KCND3: variants seen among roughly 807,000 people sequenced by gnomAD.
KCND3 encodes the protein A-type voltage-gated potassium channel KCND3.
In KCND3, 9 loss-of-function variants were observed where a neutral mutation model predicts 51.1. That is an observed-to-expected ratio of 0.18 (90% CI 0.11 to 0.31). The LOEUF is 0.31. Among genes scored for constraint, KCND3 ranks in the 10% least tolerant of loss-of-function variants. The pLI, the probability that KCND3 is intolerant of heterozygous loss-of-function variation, is 1.00. For synonymous variants in KCND3, 349 were observed against 368.0 expected (o/e 0.95, Z 0.59); for missense variants, 526 against 903.8 (o/e 0.58, Z 5.36).
At chr1:111,819,883 C>T (rs1354654447) in intron 2 of KCND3, among the ~76,000 whole-genome samples, 1 of 152,204 alleles carries the variant, frequency 6.6e-6, no homozygotes, top group African/African-American at 2.4e-5. Context: ...TTTCCACCAC[C>T]CACCTTCCGT....
intron 2 of KCND3, among the ~76,000 whole-genome samples, chr1:111,872,579 C>T (rs11102350): frequency 0.49 from 74,300 of 150,764 alleles, 18,709 homozygotes; most frequent in Middle Eastern, 0.56. Flanking sequence ...GATACTACTG[C>T]GTCTTTTTTG....
intron 1 of KCND3, among the ~76,000 whole-genome samples, chr1:111,986,121 A>C (rs1406200232): frequency 6.6e-6 from 1 of 152,238 alleles, no homozygotes; most frequent in Non-Finnish European, 1.5e-5. Context: ...ATTTATTTCT[A>C]AGGGGCAAGG....
Position 111,982,007 on chromosome 1 carries a change from C to T in KCND3, c.720G>A (p.Glu240=), listed in dbSNP as rs762838817. 1 of 1,613,880 alleles carries T rather than the reference C, an allele frequency of 6.2e-7. No homozygotes were observed. The highest frequency in any genetic ancestry group is 1.7e-5 in the Admixed American group (1 of 60,016). The change falls in exon 2 of 8, where the codon GAG becomes GAA. Residue 240 remains glutamate, a synonymous_variant. Transcript: ENST00000302127. The surrounding 1 kb of genome is among the most constrained non-coding windows in gnomAD (Gnocchi z 8.5). Reference sequence around the variant, plus strand: ...GAGCCGCGAAGAGCCGCAGGAGGTACTCCACGGTGAAGATCATGACGCACG... The same window carrying T: ...GAGCCGCGAAGAGCCGCAGGAGGTATTCCACGGTGAAGATCATGACGCACG... ...DTACVMIFTV[E]YLLRLFAAPS...
chr1:111,815,827 T>C (rs902024375), intron 2 of KCND3, among the ~76,000 whole-genome samples: 1 of 152,064 alleles, frequency 6.6e-6, no homozygotes, highest in Non-Finnish European at 1.5e-5. Context: ...CACTGCTCCT[T>C]AGAGAGGCTA....
intron 2 of KCND3, among the ~76,000 whole-genome samples, chr1:111,810,889 G>A (rs1038770549): frequency 3.3e-5 from 5 of 152,208 alleles, no homozygotes; most frequent in African/African-American, 9.7e-5. Flanking sequence ...TCTTTGCTGT[G>A]AGGGGCTGTG....
chr1:111,831,599 G>A (rs1362288037), intron 2 of KCND3, among the ~76,000 whole-genome samples: 4 of 152,014 alleles, frequency 2.6e-5, no homozygotes, highest in East Asian at 3.9e-4. Context: ...GTTCTAATAC[G>A]TCCTACCTTC....
Position 111,775,852 on chromosome 1 carries a change from A to C in KCND3, c.*225T>G, listed in dbSNP as rs72548736. The stretch of plus-strand genomic sequence containing the variant: ...ACCCTCCCTCCCTTCCTCTGGCCCC[A>C]GTGAGATGCAGTATCACAGGGCTAT... On this transcript the variant is annotated 3_prime_UTR_variant, in exon 8 of 8. Transcript: ENST00000302127. 22 of 107,932 alleles carry C rather than the reference A, an allele frequency of 2.0e-4. No homozygotes were observed. The highest frequency in any genetic ancestry group is 5.9e-4 in the South Asian group (6 of 10,106). 6.7% of individuals were successfully genotyped at this position (107,932 alleles called of 1,614,324 possible).
intron 2 of KCND3, among the ~76,000 whole-genome samples, chr1:111,857,279 C>T (rs1015903744): frequency 3.9e-5 from 6 of 152,188 alleles, no homozygotes; most frequent in African/African-American, 1.4e-4. Flanking sequence ...GAAGGTGCAG[C>T]CCTGGGCGTG....
In KCND3 at chr1:111,849,851, C is replaced by T. The variant is rs1667727438; in HGVS notation, c.1107-62745G>A. ...CTGTGGCTTGGCTCCTTCTCTGATCCCTTTATGCATTCTTTCTGGGATGTG... is the reference window on the plus strand; with the variant it reads ...CTGTGGCTTGGCTCCTTCTCTGATCTCTTTATGCATTCTTTCTGGGATGTG... On this transcript the variant is annotated intron_variant, in intron 2 of 7. Transcript: ENST00000302127. 2.6e-5 allele frequency among the ~76,000 whole-genome samples: 4 copies of T among 152,270 alleles called. No homozygotes were observed. In the South Asian group the frequency reaches 8.3e-4, roughly 32 times the overall value.
At chr1:111,798,597 C>T (rs1260827296) in intron 2 of KCND3, among the ~76,000 whole-genome samples, 1 of 151,760 alleles carries the variant, frequency 6.6e-6, no homozygotes, top group African/African-American at 2.4e-5. Flanking sequence ...AAGCAATCCC[C>T]CTGGTGTGTG....
chr1:111,928,791 C>T (rs913216464), intron 2 of KCND3, among the ~76,000 whole-genome samples: 5 of 152,178 alleles, frequency 3.3e-5, no homozygotes, highest in Admixed American at 6.5e-5. Flanking sequence ...CTACACAGCC[C>T]TTCCTGGGAG....
chr1:111,886,393 G>C (rs555886298), intron 2 of KCND3, among the ~76,000 whole-genome samples: 66 of 152,334 alleles, frequency 4.3e-4, no homozygotes, highest in African/African-American at 1.6e-3. Flanking sequence ...GATGGCAAAG[G>C]CCTGGAAACC....
At chr1:111,949,316 A>G (rs541578470) in intron 2 of KCND3, among the ~76,000 whole-genome samples, 22 of 152,308 alleles carry the variant, frequency 1.4e-4, no homozygotes, top group Admixed American at 1.4e-3. Context: ...GGACACTCAA[A>G]GGAGACTGCA....
intron 2 of KCND3, among the ~76,000 whole-genome samples, chr1:111,882,115 T>C (rs1392222822): frequency 1.3e-5 from 2 of 152,146 alleles, no homozygotes; most frequent in Non-Finnish European, 2.9e-5. Context: ...CTGTACCCAG[T>C]TTCTAGCTCT....
chr1:111,856,221 T>C (rs991150011), intron 2 of KCND3, among the ~76,000 whole-genome samples: 1 of 152,214 alleles, frequency 6.6e-6, no homozygotes, highest in South Asian at 2.1e-4. Flanking sequence ...GGTGAGGGCA[T>C]GGATGTGGGG....
Position 111,981,989 on chromosome 1 carries a change from G to A in KCND3, c.738C>T (p.Phe246=). The change falls in exon 2 of 8, where the codon TTC becomes TTT. Residue 246 remains phenylalanine, a synonymous_variant. Coordinates refer to ENST00000302127, the MANE Select transcript of KCND3 (RefSeq NM_001378969.1). The surrounding 1 kb of genome is among the most constrained non-coding windows in gnomAD (Gnocchi z 6.2). ...IFTVEYLLRL[F]AAPSRYRFIR... ...TGAAGCGGTAGCGGCTGGGAGCCGC[G>A]AAGAGCCGCAGGAGGTACTCCACGG... is the stretch of plus-strand genomic sequence containing the variant. 5 of 1,613,968 alleles carry A rather than the reference G, an allele frequency of 3.1e-6. No individual in the cohort carries two copies. The highest frequency in any genetic ancestry group is 2.2e-5 in the East Asian group (1 of 44,830).
chr1:111,806,875 T>C (rs1230591582), intron 2 of KCND3, among the ~76,000 whole-genome samples: 1 of 152,198 alleles, frequency 6.6e-6, no homozygotes, highest in African/African-American at 2.4e-5. Context: ...ATAAATACCC[T>C]ACACTTCACT....
chr1:111,874,650 T>A (rs1395047916), intron 2 of KCND3, among the ~76,000 whole-genome samples: 1 of 152,240 alleles, frequency 6.6e-6, no homozygotes, highest in Admixed American at 6.5e-5. Flanking sequence ...GAACTCTGCA[T>A]TTGTGATCAT....
At chr1:111,828,297 T>G (rs534151899) in intron 2 of KCND3, among the ~76,000 whole-genome samples, 1 of 152,326 alleles carries the variant, frequency 6.6e-6, no homozygotes, top group East Asian at 1.9e-4. Flanking sequence ...AAGGATAGGA[T>G]CTAACCTTTA....
Sources: allele counts gnomAD v4.1 joint callset (sites outside exome capture counted in the v4.1 genomes callset), GRCh38; gene constraint gnomAD v4.1.1; non-coding constraint Gnocchi (gnomAD v3.1); transcripts MANE v1.5; gene names NCBI Gene and HGNC (gene_info 2026-07-23, HGNC 2026-07-21).